Variants in DYSF observed in about 807,000 individuals in gnomAD.
DYSF encodes dysferlin.
DYSF carries 212 observed loss-of-function variants against 274.9 expected under a neutral mutation model. That is an observed-to-expected ratio of 0.77 (90% CI 0.69 to 0.86). The LOEUF (loss-of-function observed/expected upper bound fraction) is 0.86, where lower values mean the gene tolerates loss of function less well. Among genes scored for constraint, DYSF ranks in the 40% least tolerant of loss-of-function variants. DYSF has a pLI of 0.00. For synonymous variants in DYSF, 1,091 were observed against 1,078.7 expected (o/e 1.01, Z -0.22); for missense variants, 2,666 against 2,783.2 (o/e 0.96, Z 0.95).
intron 30 of DYSF, among the ~76,000 whole-genome samples, chr2:71,575,133 G>A (rs1345784415): frequency 1.3e-5 from 2 of 152,180 alleles, no homozygotes; most frequent in Admixed American, 1.3e-4. Flanking sequence ...CAGCTGTGTG[G>A]TTGGGGTCAG....
At chr2:71,681,421 C>T (rs1234457950) in intron 54 of DYSF, among the ~76,000 whole-genome samples, 2 of 152,204 alleles carry the variant, frequency 1.3e-5, no homozygotes, top group East Asian at 1.9e-4. Context: ...TTATTATCCC[C>T]ATTTTACAGA....
chr2:71,552,964 CTT>C (rs770563275), intron 19 of DYSF, 45 bp from the exon 20 acceptor site: 44 of 1,609,770 alleles, frequency 2.7e-5, no homozygotes, highest in Non-Finnish European at 3.7e-5. Context: ...GCCTGGGTGC[CTT>C]TCTTTGCTCC....
At chr2:71,537,235 T>TTG (rs1459780131) in intron 16 of DYSF, among the ~76,000 whole-genome samples, 7 of 144,104 alleles carry the variant, frequency 4.9e-5, no homozygotes, top group African/African-American at 1.8e-4. Flanking sequence ...TTTTTTTTTT[T>TTG]TTTTTTTTTT....
chr2:71,677,160 A>G, intron 52 of DYSF, among the ~76,000 whole-genome samples: 1 of 152,192 alleles, frequency 6.6e-6, no homozygotes, highest in East Asian at 1.9e-4. Context: ...GTAGCTATAG[A>G]GGAATGTGGA....
chr2:71,675,066 T>TA (rs2095196652), intron 52 of DYSF, among the ~76,000 whole-genome samples: 2 of 152,130 alleles, frequency 1.3e-5, no homozygotes, highest in South Asian at 4.1e-4. Flanking sequence ...GGTCAAATAT[T>TA]ATATGGCTTC....
At chr2:71,454,317 A>G (rs1573207547) in intron 1 of DYSF, among the ~76,000 whole-genome samples, 1 of 152,210 alleles carries the variant, frequency 6.6e-6, no homozygotes, top group Non-Finnish European at 1.5e-5. Flanking sequence ...GCTTCAGCCC[A>G]GGTTGGTACT....
At position 71,681,028 on chromosome 2, in the gene DYSF, G is replaced by A. The variant is rs921884671; in HGVS notation, c.6091G>A (p.Val2031Ile). The change falls in exon 54 of 56, where the codon GTA becomes ATA. Residue 2031 changes from valine to isoleucine, a missense_variant. Transcript: ENST00000410020. The part of the protein sequence containing the change: ...AGKLEMTLEI[V>I]AESEHEERPA... ...CAAGCTGGAAATGACCTTGGAGATT[G>A]TAGCAGAGAGTGAGCATGAGGAGCG... The A allele has an allele frequency of 6.2e-7, 1 of 1,614,202 alleles. No homozygotes were observed. Among genetic ancestry groups the A allele is most frequent in the African/African-American group, 1.3e-5 (1 of 75,068 alleles).
At chr2:71,580,621 G>A (rs1409222217) in intron 30 of DYSF, among the ~76,000 whole-genome samples, 1 of 152,166 alleles carries the variant, frequency 6.6e-6, no homozygotes, top group African/African-American at 2.4e-5. Flanking sequence ...GGCTGGGGCT[G>A]GGGTGTTGAA....
chr2:71,628,428 T>C (rs961453844), intron 41 of DYSF, among the ~76,000 whole-genome samples: 1 of 147,162 alleles, frequency 6.8e-6, no homozygotes, highest in African/African-American at 2.5e-5. Context: ...TTTTTTTTTT[T>C]AATATCCGTC....
At chr2:71,653,057 G>A (rs1215755553) in intron 42 of DYSF, among the ~76,000 whole-genome samples, 1 of 152,208 alleles carries the variant, frequency 6.6e-6, no homozygotes, top group Non-Finnish European at 1.5e-5. Flanking sequence ...CTTTAGATGA[G>A]ATGATCTAGA....
rs1308993643 is a variant in DYSF, at chr2:71,511,789, A to G, written c.346-18A>G. On this transcript the variant is annotated intron_variant, in intron 4 of 55. Transcript: ENST00000410020. ...AGGCCAGCGCACCAACCTGTCCCCC[A>G]CGTCTCATCTCTTCCAGGCCTCGCT... 2 of 1,492,784 alleles carry G rather than the reference A, an allele frequency of 1.3e-6. No individual in the cohort carries two copies. Among genetic ancestry groups the G allele is most frequent in the Non-Finnish European group, 1.8e-6 (2 of 1,094,420 alleles). 92.5% of individuals were successfully genotyped at this position (1,492,784 alleles called of 1,614,324 possible). A position where few individuals can be genotyped will look rare whatever the true frequency, so the allele number is the denominator to read the frequency against.
chr2:71,497,950 A>C (rs1211983054), intron 3 of DYSF, among the ~76,000 whole-genome samples: 2 of 152,144 alleles, frequency 1.3e-5, no homozygotes, highest in African/African-American at 4.8e-5. Context: ...AAATTTACTT[A>C]ATCTAGGTGG....
intron 6 of DYSF, 24 bp from the exon 7 acceptor site, chr2:71,513,692 C>A: frequency 6.2e-7 from 1 of 1,612,420 alleles, no homozygotes; most frequent in South Asian, 1.1e-5. Context: ...GGATCCAGGC[C>A]TCATTAGGGC....
intron 54 of DYSF, 138 bp downstream of exon 54, chr2:71,681,248 C>T: frequency 1.3e-6 from 1 of 771,536 alleles, no homozygotes. Context: ...CATCCAAGGC[C>T]ACACAGTAAG....
At position 71,613,408 on chromosome 2, in the gene DYSF, C is replaced by T. The variant is rs886044411; in HGVS notation, c.4462C>T (p.Gln1488Ter). ...TGACAAGGAGCCCCTCATCCCCATCCAGGTAGGATGGGCATCCTCCAGGGA... is the reference window on the plus strand; with the variant it reads ...TGACAAGGAGCCCCTCATCCCCATCTAGGTAGGATGGGCATCCTCCAGGGA... ...IDDKEPLIPIQLADGLSSLAP... is the reference protein window; with the variant it reads ...IDDKEPLIPI Residue 1488 changes from glutamine to a stop codon, truncating the protein, a stop_gained and splice_region_variant, in exon 40 of 56, where the codon CAG (glutamine) becomes TAG (stop). Transcript: ENST00000410020. LOFTEE classifies it high-confidence loss of function. 2.5e-6 allele frequency: 4 copies of T among 1,612,154 alleles called. No homozygotes were observed. Among genetic ancestry groups the T allele is most frequent in the East Asian group, 2.2e-5 (1 of 44,840 alleles).
At chr2:71,657,435 TG>T (rs1431169398) in intron 43 of DYSF, among the ~76,000 whole-genome samples, 1 of 152,184 alleles carries the variant, frequency 6.6e-6, no homozygotes, top group Non-Finnish European at 1.5e-5. Context: ...TTCTAGGGTC[TG>T]GAGGAAGGTG....
At chr2:71,599,268 GGC>G (rs1474075725) in intron 33 of DYSF, among the ~76,000 whole-genome samples, 1 of 152,228 alleles carries the variant, frequency 6.6e-6, no homozygotes. Flanking sequence ...TGTGGTGACA[GGC>G]GAGCTCTAGG....
intron 1 of DYSF, among the ~76,000 whole-genome samples, chr2:71,479,921 T>C (rs930901492): frequency 6.6e-6 from 1 of 152,206 alleles, no homozygotes; most frequent in African/African-American, 2.4e-5. Context: ...AATTAACATA[T>C]CATAAAATTC....
intron 17 of DYSF, among the ~76,000 whole-genome samples, chr2:71,546,170 G>A (rs552473295): frequency 1.3e-5 from 2 of 152,354 alleles, no homozygotes; most frequent in South Asian, 2.1e-4. Context: ...TGCCTTGCTC[G>A]GGCCAAGCCT....
Sources: gnomAD v4.1 joint callset for allele counts (sites outside exome capture counted in the v4.1 genomes callset) on GRCh38, gnomAD v4.1.1 for gene constraint, MANE v1.5 for transcripts, NCBI Gene and HGNC (gene_info 2026-07-23, HGNC 2026-07-21) for gene names.